Variants in SORCS2 observed in about 807,000 individuals in gnomAD.
SORCS2 encodes VPS10 domain-containing receptor SorCS2.
Under a neutral mutation model 141.6 loss-of-function variants are expected in SORCS2, and 100 were observed. That is an observed-to-expected ratio of 0.71 (90% CI 0.60 to 0.83). The LOEUF is 0.83. Among genes scored for constraint, SORCS2 ranks in the 40% least tolerant of loss-of-function variants. The probability of loss-of-function intolerance (pLI) is 0.00; values close to 1 mark genes in which losing one functional copy is unlikely to be tolerated. For missense variants in SORCS2, 1,646 were observed against 1,560.2 expected, an observed-to-expected ratio of 1.05 and a Z score of -0.93; for synonymous variants, 789 against 676.9, an observed-to-expected ratio of 1.17 and a Z score of -2.57.
chr4:7,552,054 T>A (rs1470716412), intron 3 of SORCS2, among the ~76,000 whole-genome samples: 1 of 152,178 alleles, frequency 6.6e-6, no homozygotes, highest in Non-Finnish European at 1.5e-5. Flanking sequence ...GAGATATGAA[T>A]CCTAATTGTC....
In SORCS2 at chr4:7,717,967, T is replaced by C. The variant is rs535148698; in HGVS notation, c.2253-45T>C. On this transcript the variant is annotated intron_variant, in intron 17 of 26. Transcript: ENST00000507866. ...CCCCAGACTATGGGGCCCCATCCCT[T>C]GCCACCTGTCTGAAGCGGACCCTGA... 7.9e-6 allele frequency: 12 copies of C among 1,528,076 alleles called. No homozygotes were observed. In the Admixed American group the frequency reaches 1.5e-4, roughly 19 times the overall value. 94.7% of individuals were successfully genotyped at this position (1,528,076 alleles called of 1,614,324 possible).
chr4:7,639,985 G>C (rs1271106343), intron 4 of SORCS2, among the ~76,000 whole-genome samples: 1 of 151,724 alleles, frequency 6.6e-6, no homozygotes, highest in Non-Finnish European at 1.5e-5. Flanking sequence ...GTAGATGTGA[G>C]CACGTGTGCG....
intron 1 of SORCS2, among the ~76,000 whole-genome samples, chr4:7,304,132 G>A (rs1717629406): frequency 6.6e-6 from 1 of 152,238 alleles, no homozygotes; most frequent in Non-Finnish European, 1.5e-5. Flanking sequence ...TGGTCCCCAC[G>A]CTGGAGATAA....
In SORCS2 at chr4:7,733,325, C is replaced by T. The variant is rs1306393895; in HGVS notation, c.3112C>T (p.Leu1038Phe). The change falls in exon 24 of 27, where the codon CTC becomes TTC. Residue 1038 changes from leucine to phenylalanine, a missense_variant. Coordinates refer to ENST00000507866, the MANE Select transcript of SORCS2 (RefSeq NM_020777.3). ...ACTGTCCCCTCTGTGCTTGCAGAGG[C>T]TCGCCGCCATCCAGCAGGTGCTGAA... ...RKRSLSSDKR[L>F]AAIQQVLNAQ... 1 of 1,547,458 alleles carries T rather than the reference C, an allele frequency of 6.5e-7. No homozygotes were observed.
At chr4:7,316,535 A>G (rs752202606) in intron 1 of SORCS2, among the ~76,000 whole-genome samples, 1 of 152,214 alleles carries the variant, frequency 6.6e-6, no homozygotes, top group African/African-American at 2.4e-5. Flanking sequence ...TCATGTCGTC[A>G]TTATTACTGG....
intron 23 of SORCS2, among the ~76,000 whole-genome samples, chr4:7,731,286 A>G (rs1711661826): frequency 6.6e-6 from 1 of 152,220 alleles, no homozygotes; most frequent in Non-Finnish European, 1.5e-5. Context: ...TGCACTAAAA[A>G]CCATAAAACA....
intron 4 of SORCS2, among the ~76,000 whole-genome samples, chr4:7,653,679 A>T (rs1044879264): frequency 4.6e-5 from 7 of 152,148 alleles, no homozygotes; most frequent in Non-Finnish European, 8.8e-5. Context: ...GTCAGGCCCC[A>T]GCCCACCTGC....
intron 2 of SORCS2, among the ~76,000 whole-genome samples, chr4:7,412,212 G>A (rs765267503): frequency 6.6e-6 from 1 of 152,158 alleles, no homozygotes; most frequent in South Asian, 2.1e-4. Flanking sequence ...TGCCACCCGC[G>A]TGTCACTCTC....
At chr4:7,317,730 A>G (rs970999545) in intron 1 of SORCS2, among the ~76,000 whole-genome samples, 1 of 152,180 alleles carries the variant, frequency 6.6e-6, no homozygotes, top group Non-Finnish European at 1.5e-5. Context: ...AGGCAGTGAC[A>G]TGTGAATTTC....
chr4:7,200,632 G>A (rs563467600), intron 1 of SORCS2, among the ~76,000 whole-genome samples: 40 of 152,222 alleles, frequency 2.6e-4, no homozygotes, highest in Non-Finnish European at 3.8e-4. Flanking sequence ...GAACCTCACC[G>A]CAGCCTCTTT....
chr4:7,472,520 C>T (rs1730037907), intron 2 of SORCS2, among the ~76,000 whole-genome samples: 1 of 152,094 alleles, frequency 6.6e-6, no homozygotes, highest in African/African-American at 2.4e-5. Flanking sequence ...AGGACTGTGG[C>T]TTTGACGCCT....
chr4:7,417,033 C>T, intron 2 of SORCS2, among the ~76,000 whole-genome samples: 1 of 152,192 alleles, frequency 6.6e-6, no homozygotes, highest in South Asian at 2.1e-4. Context: ...ATTAAAGTGA[C>T]ATTCTGCCCT....
At chr4:7,582,558 C>T (rs1304969159) in intron 3 of SORCS2, among the ~76,000 whole-genome samples, 1 of 152,190 alleles carries the variant, frequency 6.6e-6, no homozygotes, top group Non-Finnish European at 1.5e-5. Flanking sequence ...TGACCTGCTT[C>T]TGGCTCGGGG....
chr4:7,615,398 C>G (rs1718693321), intron 3 of SORCS2, among the ~76,000 whole-genome samples: 1 of 152,196 alleles, frequency 6.6e-6, no homozygotes, highest in Non-Finnish European at 1.5e-5. Context: ...AAATCTTTTT[C>G]CTGGTATAAG....
intron 2 of SORCS2, among the ~76,000 whole-genome samples, chr4:7,496,051 G>A (rs1356109441): frequency 2.6e-5 from 4 of 152,252 alleles, no homozygotes; most frequent in African/African-American, 7.2e-5. Flanking sequence ...CTAGCTGTCA[G>A]TTCCAAAGCG....
At chr4:7,291,361 G>A (rs1457269312) in intron 1 of SORCS2, among the ~76,000 whole-genome samples, 1 of 151,932 alleles carries the variant, frequency 6.6e-6, no homozygotes, top group African/African-American at 2.4e-5. Flanking sequence ...AGGAGTCCAC[G>A]CCTGGCCCAT....
chr4:7,528,465 A>T lies in SORCS2; in HGVS notation c.549-3065A>T, dbSNP rs578220842. Among the ~76,000 whole-genome samples, 49 of 151,988 alleles carry T rather than the reference A, an allele frequency of 3.2e-4. No individual in the cohort carries two copies. The East Asian group carries it at 9.1e-3, about 28-fold the overall frequency. ...TTTTTAGACGGAGTCTTGCTCTGTC[A>T]CCTAGGCTGTAGTGCAGTGGTGCGA... On this transcript the variant is annotated intron_variant, in intron 2 of 26. Transcript: ENST00000507866.
rs149852598 is a variant in SORCS2 at position 7,622,864 on chromosome 4, T to G, written c.649-15464T>G. 7.1e-3 allele frequency among the ~76,000 whole-genome samples: 1,074 copies of G among 152,102 alleles called. 6 individuals are homozygous for G. The highest frequency in any genetic ancestry group is 0.011 in the Non-Finnish European group (758 of 67,990). On this transcript the variant is annotated intron_variant, in intron 3 of 26. Transcript: ENST00000507866. ...CTGTGGTAGGAAGGAGGAGAATAAC[T>G]TGACAAAACAGACACTCATTTTTCC...
At chr4:7,321,398 A>G (rs1179291068) in intron 1 of SORCS2, among the ~76,000 whole-genome samples, 2 of 152,208 alleles carry the variant, frequency 1.3e-5, no homozygotes, top group African/African-American at 4.8e-5. Flanking sequence ...AAAGACTCCT[A>G]GATTTGATAA....
Sources: gnomAD v4.1 joint callset for allele counts (sites outside exome capture counted in the v4.1 genomes callset) on GRCh38, gnomAD v4.1.1 for gene constraint, MANE v1.5 for transcripts, NCBI Gene and HGNC (gene_info 2026-07-23, HGNC 2026-07-21) for gene names.